The following HECA variants were observed in gnomAD, a reference collection of about 807,000 sequenced individuals.
The protein encoded by HECA is headcase protein homolog.
In HECA, 13 loss-of-function variants were observed where a neutral mutation model predicts 37.6. The observed-to-expected ratio is 0.35, with a 90% CI of 0.23 to 0.55. The LOEUF is 0.55. Among genes scored for constraint, HECA ranks in the 20% least tolerant of loss-of-function variants. The pLI is 0.90. For synonymous variants in HECA, 307 were observed against 291.5 expected, an observed-to-expected ratio of 1.05 and a Z score of -0.54; for missense variants, 527 against 701.9, an observed-to-expected ratio of 0.75 and a Z score of 2.82.
chr6:139,179,097 A>G lies in HECA; in HGVS notation c.*1992A>G, dbSNP rs1302019960. Reference sequence around the variant, plus strand: ...TGAACTGACAGTGTTTGATGCAACTAAAAGAGGATTGTAAGACATAGCTTT... The same window carrying G: ...TGAACTGACAGTGTTTGATGCAACTGAAAGAGGATTGTAAGACATAGCTTT... On this transcript the variant is annotated 3_prime_UTR_variant, in exon 4 of 4. Coordinates refer to ENST00000367658, the MANE Select transcript of HECA (RefSeq NM_016217.3). 1 of 152,224 alleles carries G rather than the reference A, an allele frequency of 6.6e-6. No individual in the cohort carries two copies. Among genetic ancestry groups the G allele is most frequent in the Non-Finnish European group, 1.5e-5 (1 of 68,032 alleles). The allele number at this position is 152,224 out of a possible 1,614,324, so 9.4% of individuals were successfully genotyped here. A position where few individuals can be genotyped will look rare whatever the true frequency, so the allele number is the denominator to read the frequency against.
At chr6:139,174,600 T>A in intron 3 of HECA, 61 bp downstream of exon 3, 1 of 1,573,414 alleles carries the variant, frequency 6.4e-7, no homozygotes, top group Non-Finnish European at 8.7e-7. Context: ...CCCAAGTGAA[T>A]GTAGGGAAGA....
At chr6:139,173,381 G>T (rs1775003606) in intron 2 of HECA, among the ~76,000 whole-genome samples, 1 of 152,184 alleles carries the variant, frequency 6.6e-6, no homozygotes, top group Admixed American at 6.5e-5. Flanking sequence ...GAGGAAGGGG[G>T]TCATGCAAGT....
intron 1 of HECA, among the ~76,000 whole-genome samples, chr6:139,159,552 G>A (rs1389790753): frequency 1.3e-5 from 2 of 152,048 alleles, no homozygotes; most frequent in South Asian, 2.1e-4. Flanking sequence ...GCTCTGTCCC[G>A]ACAGAGAAGG....
intron 2 of HECA, among the ~76,000 whole-genome samples, chr6:139,173,204 A>G (rs1282505887): frequency 6.6e-6 from 1 of 152,102 alleles, no homozygotes; most frequent in Non-Finnish European, 1.5e-5. Context: ...AGTTCTTGTC[A>G]TCCTTCCCCC....
chr6:139,141,958 G>T (rs192134018), intron 1 of HECA, among the ~76,000 whole-genome samples: 1 of 118,208 alleles, frequency 8.5e-6, no homozygotes, highest in Non-Finnish European at 1.6e-5. Context: ...ATGGAGTGTC[G>T]CTCTGTCGCC....
At chr6:139,149,186 G>C (rs986609043) in intron 1 of HECA, among the ~76,000 whole-genome samples, 2 of 152,146 alleles carry the variant, frequency 1.3e-5, no homozygotes, top group Non-Finnish European at 2.9e-5. Context: ...GCATCATGCT[G>C]ATCCAGGGAG....
intron 1 of HECA, among the ~76,000 whole-genome samples, chr6:139,158,680 A>AAG (rs1025726200): frequency 7.2e-5 from 11 of 151,726 alleles, no homozygotes; most frequent in African/African-American, 2.4e-4. Context: ...CAAAAAAAAA[A>AAG]AAAAAAAGAA....
intron 1 of HECA, among the ~76,000 whole-genome samples, chr6:139,143,013 C>T (rs1249904869): frequency 2.0e-5 from 3 of 152,178 alleles, no homozygotes; most frequent in African/African-American, 7.2e-5. Flanking sequence ...AAGATGAAAG[C>T]ATAGACCTTT....
At position 139,166,647 on chromosome 6, in the gene HECA, G is replaced by A; in HGVS notation, c.635G>A (p.Gly212Glu). Residue 212 changes from glycine (G) to glutamate (E), a missense_variant, in exon 2 of 4, where the codon GGG (glycine) becomes GAG (glutamate). Physicochemically the swap from Gly to Glu is moderately conservative, Grantham distance 98. Around this residue, in one of 4 missense-constraint regions of HECA, gnomAD observed 228 missense variants for 259.8 expected, o/e 0.88. Coordinates refer to ENST00000367658, the MANE Select transcript of HECA (RefSeq NM_016217.3). ...AAGTCTGGCTCCGAGAAGAACACAG[G>A]GAGGCCTCCTGGTGAGGCGGCGGAG... ...KKKSGSEKNT[G>E]RPPGEAAEEA... The A allele has an allele frequency of 6.2e-7, 1 of 1,614,178 alleles. No homozygotes were observed. Among genetic ancestry groups the A allele is most frequent in the Non-Finnish European group, 8.5e-7 (1 of 1,180,032 alleles).
At chr6:139,174,949 A>G (rs1775030969) in intron 3 of HECA, among the ~76,000 whole-genome samples, 1 of 152,192 alleles carries the variant, frequency 6.6e-6, no homozygotes, top group Non-Finnish European at 1.5e-5. Context: ...GTAAATTTCT[A>G]ATAGAAAAAA....
chr6:139,169,424 C>T (rs1157578741), intron 2 of HECA, among the ~76,000 whole-genome samples: 1 of 152,104 alleles, frequency 6.6e-6, no homozygotes, highest in Non-Finnish European at 1.5e-5. Context: ...TTTTTAATAG[C>T]ATTCTCTTCT....
chr6:139,135,173 C>A lies in HECA; in HGVS notation c.-224C>A. On this transcript the variant is annotated 5_prime_UTR_variant, in exon 1 of 4. The change creates a new upstream start codon in the 5' untranslated region. Coordinates refer to ENST00000367658, the MANE Select transcript of HECA (RefSeq NM_016217.3). ...CCCCGGGCCCGCGGCGCCCGCGCGG[C>A]TGCGAGCCTCGGGTGGCCGCGTGCC... 1 of 210,872 alleles carries A rather than the reference C, an allele frequency of 4.7e-6. No homozygotes were observed. The highest frequency in any genetic ancestry group is 9.0e-6 in the Non-Finnish European group (1 of 111,550). The allele number at this position is 210,872 out of a possible 1,614,324, so 13.1% of individuals were successfully genotyped here.
chr6:139,149,491 TG>T (rs1774626200), intron 1 of HECA, among the ~76,000 whole-genome samples: 1 of 152,218 alleles, frequency 6.6e-6, no homozygotes, highest in Admixed American at 6.5e-5. Context: ...GTTTGTAATG[TG>T]GTGCAGTGTG....
chr6:139,149,836 A>C (rs1774630544), intron 1 of HECA, among the ~76,000 whole-genome samples: 1 of 152,154 alleles, frequency 6.6e-6, no homozygotes. Flanking sequence ...GGGTTCTTTC[A>C]CCAGTGTGAG....
At chr6:139,170,741 A>C (rs1016830817) in intron 2 of HECA, among the ~76,000 whole-genome samples, 1 of 152,194 alleles carries the variant, frequency 6.6e-6, no homozygotes, top group Non-Finnish European at 1.5e-5. Flanking sequence ...GAACTTTGCT[A>C]TATATTCTTT....
At chr6:139,143,219 G>GT (rs984382184) in intron 1 of HECA, among the ~76,000 whole-genome samples, 15 of 152,214 alleles carry the variant, frequency 9.9e-5, no homozygotes, top group Admixed American at 9.2e-4. Context: ...CCTTTAGGGT[G>GT]TTTTTTTGAA....
Position 139,135,644 on chromosome 6 carries a change from C to T in HECA, c.248C>T (p.Ala83Val), listed in dbSNP as rs1223573100. ...AACGCTGCGGCCGCCGCGGGGGCTG[C>T]GGCCGCGGGCGATGCCAAAAACGGT... ...AANAAAAAGA[A>V]AAGDAKNEAP... Residue 83 changes from alanine to valine, a missense_variant, in exon 1 of 4, where the codon GCG becomes GTG. By Grantham distance (64) the Ala-to-Val change is moderately conservative. Transcript: ENST00000367658. 1 of 976,704 alleles carries T rather than the reference C, an allele frequency of 1.0e-6. No individual in the cohort carries two copies. The highest frequency in any genetic ancestry group is 1.2e-6 in the Non-Finnish European group (1 of 823,058). The allele number at this position is 976,704 out of a possible 1,614,324, so 60.5% of individuals were successfully genotyped here. A position where few individuals can be genotyped will look rare whatever the true frequency, so the allele number is the denominator to read the frequency against.
In HECA at chr6:139,177,157, C is replaced by A; in HGVS notation, c.*52C>A. The A allele has an allele frequency of 1.4e-6, 1 of 732,140 alleles. No individual in the cohort carries two copies. The highest frequency in any genetic ancestry group is 1.7e-5 in the South Asian group (1 of 58,802). The allele number at this position is 732,140 out of a possible 1,614,324, so 45.4% of individuals were successfully genotyped here. A position where few individuals can be genotyped will look rare whatever the true frequency, so the allele number is the denominator to read the frequency against. ...TTTTATTGATATTATTACTTTATTA[C>A]ATATCTTTTATAGGGAAACATTCTG... On this transcript the variant is annotated 3_prime_UTR_variant, in exon 4 of 4. Coordinates refer to ENST00000367658, the MANE Select transcript of HECA (RefSeq NM_016217.3). This position sits in a 1 kb window ranked among gnomAD's most constrained non-coding sequence, Gnocchi z 4.9.
chr6:139,175,279 C>G (rs1367863825), intron 3 of HECA, among the ~76,000 whole-genome samples: 1 of 152,164 alleles, frequency 6.6e-6, no homozygotes, highest in Non-Finnish European at 1.5e-5. Context: ...CCTTGATACT[C>G]TCATGGGCAG....
Sources: allele counts gnomAD v4.1 joint callset (sites outside exome capture counted in the v4.1 genomes callset), GRCh38; gene constraint gnomAD v4.1.1; regional missense constraint gnomAD v4.1.1; non-coding constraint Gnocchi (gnomAD v3.1); transcripts MANE v1.5; gene names NCBI Gene and HGNC (gene_info 2026-07-23, HGNC 2026-07-21).